LIG1: variants seen among roughly 807,000 people sequenced by gnomAD.
LIG1 encodes the protein DNA ligase 1, also known as ligase I, DNA, ATP-dependent.
A neutral mutation model predicts 115.7 loss-of-function variants in LIG1; 70 were observed. That is an observed-to-expected ratio of 0.60 (90% CI 0.50 to 0.74). The LOEUF is 0.74. Among genes scored for constraint, LIG1 ranks in the 30% least tolerant of loss-of-function variants. The pLI is 0.00. For synonymous variants in LIG1, 487 were observed against 495.3 expected (o/e 0.98, Z 0.22); for missense variants, 1,115 against 1,225.6 (o/e 0.91, Z 1.35).
chr19:48,167,623 A>G (rs1191174168), intron 1 of LIG1, among the ~76,000 whole-genome samples: 2 of 151,916 alleles, frequency 1.3e-5, no homozygotes, highest in Non-Finnish European at 1.5e-5. Context: ...TCAGGAGTTC[A>G]AGACCAGCCT....
intron 21 of LIG1, chr19:48,123,649 G>C (rs567136421): frequency 2.7e-6 from 1 of 363,976 alleles, no homozygotes; most frequent in Non-Finnish European, 5.3e-6. Flanking sequence ...ACGGAATCTC[G>C]CTCTGTCGCC....
rs1002635079 is a variant in LIG1 at position 48,157,429 on chromosome 19, T to A, written c.244-289A>T. Among the ~76,000 whole-genome samples, 5 of 152,074 alleles carry A rather than the reference T, an allele frequency of 3.3e-5. No homozygotes were observed. The South Asian group carries it at 1.0e-3, about 31-fold the overall frequency. On this transcript the variant is annotated intron_variant, in intron 4 of 27. Transcript: ENST00000263274. Reference sequence around the variant, plus strand: ...AGTAGCTGGGACTACAGGCCTGCACTACCATGCCTGGCTAATTTTTGTATT... The same window carrying A: ...AGTAGCTGGGACTACAGGCCTGCACAACCATGCCTGGCTAATTTTTGTATT...
intron 21 of LIG1, among the ~76,000 whole-genome samples, chr19:48,125,301 G>A (rs1469285971): frequency 6.6e-6 from 1 of 152,184 alleles, no homozygotes; most frequent in Non-Finnish European, 1.5e-5. Flanking sequence ...CCAGTGTTTG[G>A]AAAGCACCTG....
intron 25 of LIG1, 36 bp downstream of exon 25, chr19:48,119,101 A>AG: frequency 6.6e-7 from 1 of 1,524,446 alleles, no homozygotes; most frequent in South Asian, 1.2e-5. Context: ...CAGGGGGGAG[A>AG]GGGGTGGAGG....
chr19:48,142,183 A>G (rs2034806116), intron 11 of LIG1, among the ~76,000 whole-genome samples: 1 of 152,024 alleles, frequency 6.6e-6, no homozygotes, highest in Non-Finnish European at 1.5e-5. Context: ...CACACCTGTA[A>G]TCCCAGCACT....
At chr19:48,116,013 CT>C (rs1231349900) in intron 26 of LIG1, 48 bp from the exon 27 acceptor site, 2 of 1,388,160 alleles carry the variant, frequency 1.4e-6, no homozygotes. Context: ...CAGCGACCCC[CT>C]GCTCAGTCTC....
In LIG1 at chr19:48,120,484, G is replaced by C. The variant is rs987326883; in HGVS notation, c.2385+686C>G. ...ATTTTGTTCTGTTTCTGTGGCAAAAGACCCAAATTTGTTGGAGAGGGGAAT... is the reference window on the plus strand; with the variant it reads ...ATTTTGTTCTGTTTCTGTGGCAAAACACCCAAATTTGTTGGAGAGGGGAAT... On this transcript the variant is annotated intron_variant, in intron 24 of 27. Transcript: ENST00000263274. 1.1e-5 allele frequency: 11 copies of C among 985,190 alleles called. No individual in the cohort carries two copies. The African/African-American group carries it at 1.7e-4, about 16-fold the overall frequency. The allele number at this position is 985,190 out of a possible 1,614,324, so 61.0% of individuals were successfully genotyped here. A position where few individuals can be genotyped will look rare whatever the true frequency, so the allele number is the denominator to read the frequency against.
At chr19:48,168,143 C>T (rs569915367) in intron 1 of LIG1, among the ~76,000 whole-genome samples, 1 of 152,290 alleles carries the variant, frequency 6.6e-6, no homozygotes, top group South Asian at 2.1e-4. Context: ...ACGTTCCACC[C>T]CAGGTCGGCC....
chr19:48,148,536 G>A (rs1361133761), intron 9 of LIG1, among the ~76,000 whole-genome samples: 1 of 151,878 alleles, frequency 6.6e-6, no homozygotes, highest in Non-Finnish European at 1.5e-5. Flanking sequence ...TGCAGAGGGA[G>A]CAGGAAAAGG....
Position 48,140,160 on chromosome 19 carries a change from G to C in LIG1, c.915-17C>G, listed in dbSNP as rs1270254415. 1 of 1,610,130 alleles carries C rather than the reference G, an allele frequency of 6.2e-7. No homozygotes were observed. Among genetic ancestry groups the C allele is most frequent in the Non-Finnish European group, 8.5e-7 (1 of 1,179,086 alleles). ...ATCCGGAGCCTGGAGGAGGGGACGGGGGTATGAACACGTGGTTCCTCAAGG... is the reference window on the plus strand; with the variant it reads ...ATCCGGAGCCTGGAGGAGGGGACGGCGGTATGAACACGTGGTTCCTCAAGG... On this transcript the variant is annotated splice_polypyrimidine_tract_variant and intron_variant, in intron 11 of 27. Coordinates refer to ENST00000263274, the MANE Select transcript of LIG1 (RefSeq NM_000234.3).
At chr19:48,118,411 C>T (rs531130807) in intron 25 of LIG1, 33 of 161,288 alleles carry the variant, frequency 2.0e-4, no homozygotes, top group African/African-American at 7.7e-4. Context: ...CCCCTGCACA[C>T]GCTCTCTTGC....
chr19:48,144,307 G>A (rs2034976436), intron 9 of LIG1, among the ~76,000 whole-genome samples: 1 of 152,160 alleles, frequency 6.6e-6, no homozygotes, highest in Non-Finnish European at 1.5e-5. Flanking sequence ...AGCACAGTGG[G>A]CAGCAGGGGA....
intron 24 of LIG1, among the ~76,000 whole-genome samples, chr19:48,119,803 A>G (rs543778377): frequency 6.6e-6 from 1 of 152,112 alleles, no homozygotes; most frequent in Admixed American, 6.6e-5. Flanking sequence ...TCAGCCTCCC[A>G]AAGTGCTGGG....
At chr19:48,167,351 GA>G (rs1234014466) in intron 1 of LIG1, among the ~76,000 whole-genome samples, 1 of 152,030 alleles carries the variant, frequency 6.6e-6, no homozygotes, top group Non-Finnish European at 1.5e-5. Flanking sequence ...CTGGGCAACA[GA>G]AATGGTTTTC....
rs1353801971 is a variant in LIG1, at chr19:48,137,420, T to C, written c.1254+102A>G. The C allele has an allele frequency of 1.0e-5, 15 of 1,445,942 alleles. No homozygotes were observed. Among genetic ancestry groups the C allele is most frequent in the East Asian group, 2.4e-5 (1 of 41,592 alleles). The allele number at this position is 1,445,942 out of a possible 1,614,324, so 89.6% of individuals were successfully genotyped here. A position where few individuals can be genotyped will look rare whatever the true frequency, so the allele number is the denominator to read the frequency against. ...CTGTGCACCCCATGAGAAGGACTGA[T>C]GCGACCCAGCTGATGGTCTACCCAG... is the stretch of plus-strand genomic sequence containing the variant. On this transcript the variant is annotated intron_variant, in intron 13 of 27. Transcript: ENST00000263274. The surrounding 1 kb of genome is among the most constrained non-coding windows in gnomAD (Gnocchi z 4.3).
chr19:48,152,615 G>A (rs3730898), intron 6 of LIG1, among the ~76,000 whole-genome samples: 76,749 of 151,922 alleles, frequency 0.51, 19,603 homozygotes, highest in East Asian at 0.68. Context: ...CTCACTGGGC[G>A]CTGCAAGATA....
At chr19:48,144,150 C>T (rs773728051) in intron 9 of LIG1, among the ~76,000 whole-genome samples, 187 bp from the exon 10 acceptor site, 20 of 152,082 alleles carry the variant, frequency 1.3e-4, no homozygotes, top group Non-Finnish European at 2.6e-4. Flanking sequence ...AAAGCCCCCA[C>T]ATAAACACAT....
At chr19:48,161,171 G>A (rs911626068) in intron 4 of LIG1, 15 of 671,658 alleles carry the variant, frequency 2.2e-5, no homozygotes, top group East Asian at 2.1e-4. Context: ...AAGACCTAAC[G>A]TGGTGAAGGA....
chr19:48,135,809 A>C (rs922090095), intron 15 of LIG1, 30 bp from the exon 16 acceptor site: 1 of 1,577,272 alleles, frequency 6.3e-7, no homozygotes, highest in Admixed American at 1.7e-5. Context: ...AGGCTTTGGA[A>C]GGCACCCACA....
Sources: gnomAD v4.1 joint callset for allele counts (sites outside exome capture counted in the v4.1 genomes callset) on GRCh38, gnomAD v4.1.1 for gene constraint, Gnocchi (gnomAD v3.1) non-coding constraint, MANE v1.5 for transcripts, NCBI Gene and HGNC (gene_info 2026-07-23, HGNC 2026-07-21) for gene names.